Variants in ANKRD28 observed in about 807,000 individuals in gnomAD.
The protein encoded by ANKRD28 is serine/threonine-protein phosphatase 6 regulatory ankyrin repeat subunit A.
A neutral mutation model predicts 126.5 loss-of-function variants in ANKRD28; 44 were observed. The ratio of observed to expected loss-of-function variants is 0.35; its 90% CI spans 0.27 to 0.45. The LOEUF (loss-of-function observed/expected upper bound fraction) is 0.45. Among genes scored for constraint, ANKRD28 ranks in the 20% least tolerant of loss-of-function variants. The pLI is 1.00. For missense variants in ANKRD28, 1,110 were observed against 1,316.6 expected, an observed-to-expected ratio of 0.84 and a Z score of 2.43; for synonymous variants, 442 against 468.5, an observed-to-expected ratio of 0.94 and a Z score of 0.73.
chr3:15,785,388 T>TA (rs1216347229), intron 2 of ANKRD28, among the ~76,000 whole-genome samples: 1 of 152,162 alleles, frequency 6.6e-6, no homozygotes, highest in Middle Eastern at 3.4e-3. Flanking sequence ...CAAACCTGTT[T>TA]AAAAAACGGA....
intron 14 of ANKRD28, among the ~76,000 whole-genome samples, chr3:15,698,778 A>T (rs1056827274): frequency 1.3e-5 from 2 of 152,200 alleles, no homozygotes; most frequent in Non-Finnish European, 2.9e-5. Context: ...ATGCTCATGG[A>T]CAGGAAGAAT....
chr3:15,820,694 C>T (rs2060925142), intron 1 of ANKRD28, among the ~76,000 whole-genome samples: 1 of 152,050 alleles, frequency 6.6e-6, no homozygotes, highest in African/African-American at 2.4e-5. Flanking sequence ...GGTAACTGGT[C>T]TTAATTCACA....
chr3:15,678,272 C>T lies in ANKRD28; in HGVS notation c.2644G>A (p.Val882Met). The part of the protein sequence containing the change: ...LLSHNAQVNS[V>M]DSTGKTPLMM... Reference sequence around the variant, plus strand: ...AGAGGTGTTTTCCCTGTAGAGTCCACAGAATTGACTTGAGCATTATGGCTG... The same window carrying T: ...AGAGGTGTTTTCCCTGTAGAGTCCATAGAATTGACTTGAGCATTATGGCTG... The change falls in exon 24 of 28, where the codon GTG becomes ATG. Residue 882 changes from valine to methionine, a missense_variant. Physicochemically the swap from Val to Met is conservative, Grantham distance 21. Coordinates refer to ENST00000683139, the MANE Select transcript of ANKRD28 (RefSeq NM_001349278.2). The T allele has an allele frequency of 1.2e-6, 2 of 1,613,032 alleles. No individual in the cohort carries two copies. The highest frequency in any genetic ancestry group is 1.7e-6 in the Non-Finnish European group (2 of 1,179,684).
chr3:15,728,790 A>G (rs1330760538), intron 6 of ANKRD28, among the ~76,000 whole-genome samples: 4 of 152,140 alleles, frequency 2.6e-5, no homozygotes, highest in Non-Finnish European at 5.9e-5. Flanking sequence ...GCAGCCAAAA[A>G]ACTCTTTTTC....
chr3:15,677,726 TTGTA>T (rs1182358277), intron 24 of ANKRD28, 164 bp from the exon 25 acceptor site: 1 of 472,566 alleles, frequency 2.1e-6, no homozygotes, highest in East Asian at 3.3e-5. Flanking sequence ...CTTCATATAA[TTGTA>T]TGAGACAATT....
chr3:15,778,892 GATA>G (rs2059418685), intron 2 of ANKRD28, among the ~76,000 whole-genome samples: 1 of 152,152 alleles, frequency 6.6e-6, no homozygotes, highest in Non-Finnish European at 1.5e-5. Context: ...CTATTCTCAT[GATA>G]ATAAGTGAGT....
Position 15,686,232 on chromosome 3 carries a change from C to T in ANKRD28, c.2041G>A (p.Gly681Arg), listed in dbSNP as rs1280003683. 6.3e-7 allele frequency: 1 copy of T among 1,591,908 alleles called. No homozygotes were observed. Among genetic ancestry groups the T allele is most frequent in the Admixed American group, 1.8e-5 (1 of 56,360 alleles). The change falls in exon 19 of 28, where the codon GGA becomes AGA. Residue 681 changes from glycine (G) to arginine (R), a missense_variant. Coordinates refer to ENST00000683139, the MANE Select transcript of ANKRD28 (RefSeq NM_001349278.2). ...TTTATCGAAACTTACTGTCCATTTC[C>T]ATCTTGAATATCCACTGCATTCTGT... ...EPQNAVDIQDGNGQTPLMLSV... is the reference protein window; with the variant it reads ...EPQNAVDIQDRNGQTPLMLSV...
intron 1 of ANKRD28, among the ~76,000 whole-genome samples, chr3:15,821,038 G>C (rs1010040050): frequency 1.3e-5 from 2 of 151,960 alleles, no homozygotes; most frequent in African/African-American, 4.8e-5. Context: ...TTTGTCATGG[G>C]GTCCACTCCT....
intron 1 of ANKRD28, among the ~76,000 whole-genome samples, chr3:15,818,803 C>G (rs554357701): frequency 6.6e-6 from 1 of 152,078 alleles, no homozygotes; most frequent in Non-Finnish European, 1.5e-5. Context: ...ACTCAATATT[C>G]TTATAATTTC....
chr3:15,693,634 G>A (rs2069125128), intron 17 of ANKRD28, among the ~76,000 whole-genome samples: 1 of 152,084 alleles, frequency 6.6e-6, no homozygotes, highest in Non-Finnish European at 1.5e-5. Flanking sequence ...TGCTAATGCT[G>A]CTCAGTCTTC....
rs542218067 is a variant in ANKRD28 at position 15,735,100 on chromosome 3, C to G, written c.640+310G>C. Among the ~76,000 whole-genome samples, 13 of 152,194 alleles carry G rather than the reference C, an allele frequency of 8.5e-5. No individual in the cohort carries two copies. In the South Asian group the frequency reaches 2.7e-3, roughly 32 times the overall value. ...GTTACTTTTACCTTATATTCTCATA[C>G]AAACAAAAATGGGTATAAGAATGGG... On this transcript the variant is annotated intron_variant, in intron 6 of 27. Coordinates refer to ENST00000683139, the MANE Select transcript of ANKRD28 (RefSeq NM_001349278.2).
rs369376076 is a variant in ANKRD28 at position 15,818,313 on chromosome 3, G to A, written c.28-23007C>T. Among the ~76,000 whole-genome samples, 24 of 152,266 alleles carry A rather than the reference G, an allele frequency of 1.6e-4. No individual in the cohort carries two copies. In the South Asian group the frequency reaches 5.0e-3, roughly 32 times the overall value. On this transcript the variant is annotated intron_variant, in intron 1 of 27. Transcript: ENST00000399451. ...TCTGAAACTTTTTGAGTGCTCATAT[G>A]ACGCCACAAGTGGAAAATTCCACAA...
intron 2 of ANKRD28, among the ~76,000 whole-genome samples, chr3:15,790,170 T>C (rs1244426917): frequency 6.6e-6 from 1 of 151,898 alleles, no homozygotes; most frequent in Non-Finnish European, 1.5e-5. Context: ...CTTCTAGTAA[T>C]GAAAAGGCCA....
chr3:15,786,079 CTG>C (rs1352868265), intron 2 of ANKRD28, among the ~76,000 whole-genome samples: 1 of 151,992 alleles, frequency 6.6e-6, no homozygotes, highest in Non-Finnish European at 1.5e-5. Context: ...TGAAACTACT[CTG>C]TATGAAACTA....
At chr3:15,835,658 A>G (rs2121736) in intron 1 of ANKRD28, among the ~76,000 whole-genome samples, 124,010 of 152,200 alleles carry the variant, frequency 0.81, 50,664 homozygotes, top group East Asian at 0.93. Context: ...TGACGTCTAC[A>G]TAACTTCTCT....
intron 1 of ANKRD28, among the ~76,000 whole-genome samples, chr3:15,822,000 C>CT (rs2060951805): frequency 6.6e-6 from 1 of 152,106 alleles, no homozygotes; most frequent in African/African-American, 2.4e-5. Flanking sequence ...CAATAAACAT[C>CT]TAAAGACCCA....
intron 6 of ANKRD28, among the ~76,000 whole-genome samples, chr3:15,729,612 T>G (rs2074426807): frequency 6.6e-6 from 1 of 152,110 alleles, no homozygotes; most frequent in Non-Finnish European, 1.5e-5. Flanking sequence ...AAGAAATTGC[T>G]CGTGATGTCA....
chr3:15,780,109 C>T (rs928827407), intron 2 of ANKRD28, among the ~76,000 whole-genome samples: 2 of 151,904 alleles, frequency 1.3e-5, no homozygotes, highest in African/African-American at 4.8e-5. Flanking sequence ...AAAAGGCATC[C>T]TAATAAAAAA....
At chr3:15,777,656 C>G (rs2059343252) in intron 2 of ANKRD28, among the ~76,000 whole-genome samples, 2 of 152,140 alleles carry the variant, frequency 1.3e-5, no homozygotes, top group Non-Finnish European at 2.9e-5. Context: ...GCTAAACAGG[C>G]TTCTTTTCAA....
Sources: allele counts gnomAD v4.1 joint callset (sites outside exome capture counted in the v4.1 genomes callset), GRCh38; gene constraint gnomAD v4.1.1; transcripts MANE v1.5; gene names NCBI Gene and HGNC (gene_info 2026-07-23, HGNC 2026-07-21).